Variants in SLC23A3 observed in about 807,000 individuals in gnomAD.
The protein encoded by SLC23A3 is solute carrier family 23 member 3, also known as E2-binding protein 3.
A neutral mutation model predicts 64.7 loss-of-function variants in SLC23A3; 41 were observed. The ratio of observed to expected loss-of-function variants is 0.63; its 90% confidence interval spans 0.49 to 0.82. SLC23A3 has a LOEUF of 0.82. SLC23A3 is among the 40% of genes least tolerant of loss of function. SLC23A3 has a pLI of 0.00. For missense variants in SLC23A3, 647 were observed against 733.4 expected (o/e 0.88, Z 1.36); for synonymous variants, 281 against 306.8 (o/e 0.92, Z 0.88).
intron 10 of SLC23A3, among the ~76,000 whole-genome samples, chr2:219,162,712 T>C (rs909598459): frequency 2.0e-5 from 3 of 152,142 alleles, no homozygotes; most frequent in African/African-American, 7.2e-5. Flanking sequence ...CCCTCTATGC[T>C]CTATCCTGGG....
intron 10 of SLC23A3, 98 bp downstream of exon 10, chr2:219,163,289 AC>A: frequency 1.7e-6 from 2 of 1,186,450 alleles, no homozygotes; most frequent in Non-Finnish European, 2.4e-6. Flanking sequence ...AAGTATTTAC[AC>A]CAAAGCCCAG....
In SLC23A3 at chr2:219,168,696, C is replaced by A; in HGVS notation, c.630G>T (p.Arg210Ser). 1 of 1,613,930 alleles carries A rather than the reference C, an allele frequency of 6.2e-7. No homozygotes were observed. The highest frequency in any genetic ancestry group is 8.5e-7 in the Non-Finnish European group (1 of 1,179,920). The change falls in exon 5 of 12, where the codon AGG becomes AGT. Residue 210 changes from arginine (R) to serine (S), a missense_variant. Transcript: ENST00000409878. ...GTGTGAAGCAGAACTGGGCTACCTC[C>A]CTGTGGGCAGAGAGCCCTGCCACAA... ...SLVVAGLSAH[R>S]EVAQFCFTHW...
rs781038210 is a variant in SLC23A3, at chr2:219,162,363, T to C, written c.1473A>G (p.Ser491=). The C allele has an allele frequency of 5.6e-6, 9 of 1,614,048 alleles. No individual in the cohort carries two copies. In the South Asian group the frequency reaches 8.8e-5, roughly 16 times the overall value. Reference sequence around the variant, plus strand: ...CCAGGAAGATGGGCTGTGTCAGCAGTGAGTGCAGTAATACATCCAAGGGGC... The same window carrying C: ...CCAGGAAGATGGGCTGTGTCAGCAGCGAGTGCAGTAATACATCCAAGGGGC... The part of the protein sequence containing the change: ...GWSPLDVLLH[S]LLTQPIFLAG... The change falls in exon 11 of 12, where the codon TCA becomes TCG. Residue 491 remains serine (S), a synonymous_variant. Coordinates refer to ENST00000409878, the MANE Select transcript of SLC23A3 (RefSeq NM_001144889.2).
chr2:219,168,647 C>T lies in SLC23A3; in HGVS notation c.674+5G>A, dbSNP rs750257857. 9 of 1,613,100 alleles carry T rather than the reference C, an allele frequency of 5.6e-6. No individual in the cohort carries two copies. The highest frequency in any genetic ancestry group is 2.7e-5 in the African/African-American group (2 of 74,886). ...ACCATCCCACGCCTCTCAGGACTCA[C>T]GTACAGCAAGGCCAACCCCCAGTGT... On this transcript the variant is annotated splice_donor_5th_base_variant and intron_variant, in intron 5 of 11. Coordinates refer to ENST00000409878, the MANE Select transcript of SLC23A3 (RefSeq NM_001144889.2).
intron 4 of SLC23A3, 52 bp downstream of exon 4, chr2:219,168,977 C>T (rs768715738): frequency 3.8e-6 from 6 of 1,561,706 alleles, no homozygotes; most frequent in Middle Eastern, 1.7e-4. Flanking sequence ...GAAACAAGAG[C>T]CCCCCCCAAG....
intron 7 of SLC23A3, among the ~76,000 whole-genome samples, chr2:219,166,111 G>C (rs974447973): frequency 6.8e-6 from 1 of 146,800 alleles, no homozygotes; most frequent in African/African-American, 2.5e-5. Context: ...CAGCCTGGGC[G>C]ACAAGAGTGA....
Position 219,168,348 on chromosome 2 carries a change from G to A in SLC23A3, c.675-30C>T, listed in dbSNP as rs769394597. 1.4e-5 allele frequency: 21 copies of A among 1,554,134 alleles called. No individual in the cohort carries two copies. In the African/African-American group the frequency reaches 2.3e-4, roughly 17 times the overall value. On this transcript the variant is annotated intron_variant, in intron 5 of 11. Transcript: ENST00000409878. ...GAGACAGAAGGCTTTAGGAGCAAGA[G>A]GCAGTGGGTATCCTGAGGGATGGGA...
In SLC23A3 at chr2:219,168,748, C is replaced by T. The variant is rs1950030583; in HGVS notation, c.578G>A (p.Gly193Glu). 1 of 1,613,080 alleles carries T rather than the reference C, an allele frequency of 6.2e-7. No homozygotes were observed. The highest frequency in any genetic ancestry group is 8.5e-7 in the Non-Finnish European group (1 of 1,179,518). ...GSPGHVFPHCGPLVLAPSLVV... is the reference protein window; with the variant it reads ...GSPGHVFPHCEPLVLAPSLVV... ...CAGGCTGGGAGCCAGCACCAGGGGC[C>T]CACAGTGGGGGAACACGTGGCCGGG... The change falls in exon 5 of 12, where the codon GGG becomes GAG. Residue 193 changes from glycine to glutamate, a missense_variant. Coordinates refer to ENST00000409878, the MANE Select transcript of SLC23A3 (RefSeq NM_001144889.2).
At chr2:219,164,138 G>T in intron 9 of SLC23A3, 95 bp downstream of exon 9, 1 of 767,156 alleles carries the variant, frequency 1.3e-6, no homozygotes, top group Non-Finnish European at 2.2e-6. Flanking sequence ...ATCCAGGAAA[G>T]CTATTTAGAA....
chr2:219,167,818 A>C, intron 7 of SLC23A3, 112 bp downstream of exon 7: 1 of 835,488 alleles, frequency 1.2e-6, no homozygotes, highest in Non-Finnish European at 2.0e-6. Context: ...TCTCTCCTAT[A>C]TGTTTTCAAA....
chr2:219,166,312 T>G (rs937307112), intron 7 of SLC23A3, among the ~76,000 whole-genome samples: 2 of 151,706 alleles, frequency 1.3e-5, no homozygotes, highest in African/African-American at 4.8e-5. Flanking sequence ...CCTCCCACCT[T>G]AGCCTCTGAA....
chr2:219,163,275 G>A, intron 10 of SLC23A3, 113 bp downstream of exon 10: 1 of 1,016,676 alleles, frequency 9.8e-7, no homozygotes, highest in Non-Finnish European at 1.5e-6. Flanking sequence ...TAAACAAATG[G>A]ATGAAGTATT....
chr2:219,165,447 TG>T, intron 7 of SLC23A3, 25 bp from the exon 8 acceptor site: 1 of 1,537,522 alleles, frequency 6.5e-7, no homozygotes. Flanking sequence ...GAAGCCACTT[TG>T]GGGCCAGACT....
Position 219,169,808 on chromosome 2 carries a change from A to T in SLC23A3, c.162+15T>A. On this transcript the variant is annotated intron_variant, in intron 1 of 11. Transcript: ENST00000409878. The surrounding 1 kb of genome is among the most constrained non-coding windows in gnomAD (Gnocchi z 4.5). The stretch of plus-strand genomic sequence containing the variant: ...ACCATCAGGCAGCACCAACTCCTGC[A>T]CCTCTGCCTCCTACCTGCAGAGCCA... 1 of 1,613,624 alleles carries T rather than the reference A, an allele frequency of 6.2e-7. No homozygotes were observed. The highest frequency in any genetic ancestry group is 8.5e-7 in the Non-Finnish European group (1 of 1,179,832).
chr2:219,163,484 C>CT lies in SLC23A3; in HGVS notation c.1344dup (p.Asp449ArgfsTer69). 1 of 1,614,178 alleles carries CT rather than the reference C, an allele frequency of 6.2e-7. No homozygotes were observed. The highest frequency in any genetic ancestry group is 1.1e-5 in the South Asian group (1 of 91,084). ...ACAATGAAGATATTTCGCCCAGAGT[C>CT]TATGTCAGCCAGGTAGAAGCTGGAG... is the stretch of plus-strand genomic sequence containing the variant. On this transcript the variant is annotated frameshift_variant, in exon 10 of 12. Transcript: ENST00000409878. LOFTEE classifies it high-confidence loss of function.
At position 219,168,256 on chromosome 2, in the gene SLC23A3, G is replaced by A; in HGVS notation, c.737C>T (p.Pro246Leu). ...HLGSCQFHVCPWRRASTSSTH... is the reference protein window; with the variant it reads ...HLGSCQFHVCLWRRASTSSTH... ...TGATGACGTTGAAGCTCGCCTCCAG[G>A]GGCACACATGAAACTGGCAGGAGCC... The change falls in exon 6 of 12, where the codon CCC becomes CTC. Residue 246 changes from proline (P) to leucine (L), a missense_variant. By Grantham distance (98) the Pro-to-Leu change is moderately conservative. Transcript: ENST00000409878. 1 of 1,613,920 alleles carries A rather than the reference G, an allele frequency of 6.2e-7. No individual in the cohort carries two copies. The highest frequency in any genetic ancestry group is 8.5e-7 in the Non-Finnish European group (1 of 1,179,902).
At position 219,161,792 on chromosome 2, in the gene SLC23A3, T is replaced by G. The variant is rs944559461; in HGVS notation, c.*117A>C. ...ATTGGGAAATGGAACCTCTAGACAG[T>G]CCCATGTAATACACACACACATATC... On this transcript the variant is annotated 3_prime_UTR_variant, in exon 12 of 12. Coordinates refer to ENST00000409878, the MANE Select transcript of SLC23A3 (RefSeq NM_001144889.2). The G allele has an allele frequency of 8.5e-7, 1 of 1,175,374 alleles. No homozygotes were observed. Among genetic ancestry groups the G allele is most frequent in the South Asian group, 1.7e-5 (1 of 58,438 alleles). 72.8% of individuals were successfully genotyped at this position (1,175,374 alleles called of 1,614,324 possible). A position where few individuals can be genotyped will look rare whatever the true frequency, so the allele number is the denominator to read the frequency against.
chr2:219,165,255 G>A lies in SLC23A3; in HGVS notation c.1081C>T (p.Leu361=). The A allele has an allele frequency of 6.4e-7, 1 of 1,551,678 alleles. No individual in the cohort carries two copies. Among genetic ancestry groups the A allele is most frequent in the Non-Finnish European group, 8.7e-7 (1 of 1,147,030 alleles). The change falls in exon 8 of 12, where the codon CTG becomes TTG. Residue 361 remains leucine, a synonymous_variant. Coordinates refer to ENST00000409878, the MANE Select transcript of SLC23A3 (RefSeq NM_001144889.2). ...AGCAGCCCGGCCAGCACACTGCCCA[G>A]CCCCTCCAGGCTCAGCCCTCGACTG... ...ACSRGLSLEG[L]GSVLAGLLGS...
chr2:219,162,233 G>C, intron 11 of SLC23A3, 29 bp from the exon 12 acceptor site: 1 of 1,612,904 alleles, frequency 6.2e-7, no homozygotes, highest in Non-Finnish European at 8.5e-7. Context: ...TCAGGCTATT[G>C]CCCATCCCAG....
Sources: allele counts gnomAD v4.1 joint callset (sites outside exome capture counted in the v4.1 genomes callset), GRCh38; gene constraint gnomAD v4.1.1; non-coding constraint Gnocchi (gnomAD v3.1); transcripts MANE v1.5; gene names NCBI Gene and HGNC (gene_info 2026-07-23, HGNC 2026-07-21).